Variants in TENM2 observed in about 807,000 individuals in gnomAD.
TENM2 encodes the protein teneurin transmembrane protein 2.
TENM2 carries 52 observed loss-of-function variants against 245.2 expected under a neutral mutation model. The observed-to-expected ratio is 0.21, with a 90% CI of 0.17 to 0.27. TENM2 has a LOEUF of 0.27. TENM2 is among the 10% of genes least tolerant of loss of function. The probability of loss-of-function intolerance (pLI) is 1.00; values close to 1 mark genes in which losing one functional copy is unlikely to be tolerated. For missense variants in TENM2, 3,046 were observed against 3,666.8 expected (o/e 0.83, Z 4.37); for synonymous variants, 1,363 against 1,438.9 (o/e 0.95, Z 1.19).
At chr5:167,117,430 G>T in the TENM2 span, among the ~76,000 whole-genome samples, 1 of 152,178 alleles carries the variant, frequency 6.6e-6, no homozygotes, top group Non-Finnish European at 1.5e-5. Context: ...GTGAACCCGG[G>T]AGGTGGAGCT....
intron 2 of TENM2, among the ~76,000 whole-genome samples, chr5:167,525,585 A>G (rs1582289180): frequency 6.6e-6 from 1 of 152,198 alleles, no homozygotes; most frequent in Non-Finnish European, 1.5e-5. Flanking sequence ...TTCTCTTTAT[A>G]GAAGACACTC....
intron 2 of TENM2, among the ~76,000 whole-genome samples, chr5:167,588,582 A>G (rs1775665107): frequency 6.6e-6 from 1 of 152,216 alleles, no homozygotes; most frequent in Non-Finnish European, 1.5e-5. Flanking sequence ...TTTTAAATCC[A>G]TTTCTGTTCC....
At chr5:167,357,266 T>C (rs1240093146) in intron 1 of TENM2, among the ~76,000 whole-genome samples, 2 of 151,656 alleles carry the variant, frequency 1.3e-5, no homozygotes, top group Non-Finnish European at 2.9e-5. Flanking sequence ...CTCGTTGCTT[T>C]GACTTTTTCC....
At chr5:167,639,305 T>G (rs1203758836) in intron 2 of TENM2, among the ~76,000 whole-genome samples, 1 of 152,222 alleles carries the variant, frequency 6.6e-6, no homozygotes, top group Non-Finnish European at 1.5e-5. Context: ...GTCAAAATTT[T>G]TGGAATAGGA....
At chr5:167,860,204 C>T (rs1771625438) in intron 2 of TENM2, among the ~76,000 whole-genome samples, 5 of 125,266 alleles carry the variant, frequency 4.0e-5, no homozygotes, top group African/African-American at 9.0e-5. Context: ...GTCAGCCCCC[C>T]GCCCGGCCAG....
intron 25 of TENM2, among the ~76,000 whole-genome samples, chr5:168,230,066 A>G (rs1764700507): frequency 6.6e-6 from 1 of 152,240 alleles, no homozygotes; most frequent in African/African-American, 2.4e-5. Flanking sequence ...CTATAATCCC[A>G]ACTCCAAATA....
the TENM2 span, among the ~76,000 whole-genome samples, chr5:167,039,379 G>A: frequency 7.2e-5 from 11 of 152,152 alleles, no homozygotes; most frequent in Admixed American, 1.3e-4. Context: ...TCAGTGCAAC[G>A]TTTCTAGGTA....
At chr5:167,653,872 G>A (rs191399777) in intron 2 of TENM2, 1 of 151,506 alleles carries the variant, frequency 6.6e-6, no homozygotes, top group Non-Finnish European at 1.5e-5. Context: ...GCAGCTGAAA[G>A]GTTGGAAGGT....
chr5:168,025,714 G>A (rs768509510), intron 5 of TENM2, among the ~76,000 whole-genome samples: 5 of 152,058 alleles, frequency 3.3e-5, no homozygotes, highest in Admixed American at 6.5e-5. Context: ...GTGTCCTGTG[G>A]GGTTGCCAGA....
chr5:167,075,368 C>T, the TENM2 span, among the ~76,000 whole-genome samples: 1 of 152,144 alleles, frequency 6.6e-6, no homozygotes, highest in Non-Finnish European at 1.5e-5. Flanking sequence ...CTAATTTAAT[C>T]TTCTAACTCA....
intron 2 of TENM2, among the ~76,000 whole-genome samples, chr5:167,510,976 G>C (rs951666604): frequency 6.6e-6 from 1 of 151,966 alleles, no homozygotes; most frequent in Non-Finnish European, 1.5e-5. Context: ...AAATGGATTT[G>C]GGGAAGGAGA....
intron 2 of TENM2, chr5:167,754,962 G>A: frequency 2.0e-6 from 3 of 1,503,994 alleles, no homozygotes; most frequent in Non-Finnish European, 2.7e-6. Context: ...GCTGGAGAAG[G>A]CCTCAGCTGT....
chr5:168,247,738 G>A lies in TENM2; in HGVS notation c.6799G>A (p.Asp2267Asn). 6.2e-7 allele frequency: 1 copy of A among 1,613,898 alleles called. No homozygotes were observed. The highest frequency in any genetic ancestry group is 8.5e-7 in the Non-Finnish European group (1 of 1,179,892). ...GGATGTGCAGTACAAAATTGACGAC[G>A]ATGGCTATCTGTGCCAGAGAGGGTC... is the stretch of plus-strand genomic sequence containing the variant. The change falls in exon 27 of 29, where the codon GAT becomes AAT. Residue 2267 changes from aspartate to asparagine, a missense_variant. By Grantham distance (23) the Asp-to-Asn change is conservative. Transcript: ENST00000518659. This position sits in a 1 kb window ranked among gnomAD's most constrained non-coding sequence, Gnocchi z 7.8.
the TENM2 span, among the ~76,000 whole-genome samples, chr5:167,232,926 A>C: frequency 6.6e-6 from 1 of 152,020 alleles, no homozygotes; most frequent in Non-Finnish European, 1.5e-5. Flanking sequence ...GTTAAAACCT[A>C]CTCTAGCAAA....
intron 2 of TENM2, among the ~76,000 whole-genome samples, chr5:167,543,100 G>C (rs1319542231): frequency 6.6e-6 from 1 of 152,168 alleles, no homozygotes; most frequent in Non-Finnish European, 1.5e-5. Flanking sequence ...GTGGAGCCCA[G>C]GAATCTGCTC....
chr5:167,908,313 TTCTCCTCTCCCCTCCTCTCC>T (rs1561921910), intron 3 of TENM2, among the ~76,000 whole-genome samples: 5 of 87,072 alleles, frequency 5.7e-5, no homozygotes, highest in Non-Finnish European at 1.1e-4. Flanking sequence ...TTCCCCTCGC[TTCTCCTCTCCCCTCCTCTCC>T]TCTCCTCTCC....
At chr5:167,518,034 A>G (rs1770504488) in intron 2 of TENM2, among the ~76,000 whole-genome samples, 1 of 152,014 alleles carries the variant, frequency 6.6e-6, no homozygotes, top group Non-Finnish European at 1.5e-5. Flanking sequence ...TAAAAATACA[A>G]AAATTAGTCG....
chr5:168,055,521 A>G (rs549867348), intron 6 of TENM2, among the ~76,000 whole-genome samples: 8 of 152,210 alleles, frequency 5.3e-5, no homozygotes, highest in African/African-American at 1.4e-4. Context: ...TGCCCCTCCC[A>G]GTCTGCAGAT....
rs767302535 is a variant in TENM2, at chr5:168,247,881, C to A, written c.6942C>A (p.Asn2314Lys). ...GACGGCGGGCTTCCTACAAGACCAA[C>A]CTGGGCCACCACCTGCAGTACTTCT... Residue 2314 changes from asparagine (N) to lysine (K), a missense_variant, in exon 27 of 29, where the codon AAC becomes AAA. By Grantham distance (94) the Asn-to-Lys change is moderately conservative (BLOSUM62 0). Transcript: ENST00000518659. The surrounding 1 kb of genome is among the most constrained non-coding windows in gnomAD (Gnocchi z 7.8). 7 of 1,613,858 alleles carry A rather than the reference C, an allele frequency of 4.3e-6. No individual in the cohort carries two copies. In the African/African-American group the frequency reaches 9.3e-5, roughly 22 times the overall value.
Sources: gnomAD v4.1 joint callset for allele counts (sites outside exome capture counted in the v4.1 genomes callset) on GRCh38, gnomAD v4.1.1 for gene constraint, Gnocchi (gnomAD v3.1) non-coding constraint, MANE v1.5 for transcripts, NCBI Gene and HGNC (gene_info 2026-07-23, HGNC 2026-07-21) for gene names.